ATP6V0E1: variants seen among roughly 807,000 people sequenced by gnomAD.
ATP6V0E1 encodes the protein V-type proton ATPase subunit e 1.
A neutral mutation model predicts 11.6 loss-of-function variants in ATP6V0E1; 4 were observed. The observed-to-expected ratio is 0.35, with a 90% confidence interval of 0.17 to 0.79. The LOEUF is 0.79. Among genes scored for constraint, ATP6V0E1 ranks in the 30% least tolerant of loss-of-function variants. The pLI is 0.54. For missense variants in ATP6V0E1, 105 were observed against 100.0 expected (o/e 1.05, Z -0.21); for synonymous variants, 36 against 34.8 (o/e 1.04, Z -0.13).
intron 3 of ATP6V0E1, among the ~76,000 whole-genome samples, chr5:173,031,407 A>T (rs1756649894): frequency 6.8e-6 from 1 of 147,800 alleles, no homozygotes; most frequent in Admixed American, 6.7e-5. Context: ...ATCTGATGGT[A>T]ACCTTATGAC....
intron 3 of ATP6V0E1, among the ~76,000 whole-genome samples, chr5:173,024,547 T>G (rs901933119): frequency 7.2e-5 from 11 of 152,106 alleles, no homozygotes. Flanking sequence ...ATTTAGCTGT[T>G]CTTTGAATTG....
chr5:173,004,414 A>G (rs1231288996), intron 2 of ATP6V0E1, among the ~76,000 whole-genome samples: 2 of 152,074 alleles, frequency 1.3e-5, no homozygotes, highest in African/African-American at 4.8e-5. Context: ...GCCTGGTGAG[A>G]AGGGATGGGA....
intron 3 of ATP6V0E1, among the ~76,000 whole-genome samples, chr5:173,031,071 A>T (rs1028360183): frequency 5.3e-5 from 8 of 151,804 alleles, no homozygotes; most frequent in Non-Finnish European, 1.0e-4. Flanking sequence ...CAGGCTCCCA[A>T]GTAGCTGGGA....
At chr5:173,014,903 A>G (rs1419054826) in intron 2 of ATP6V0E1, among the ~76,000 whole-genome samples, 1 of 152,214 alleles carries the variant, frequency 6.6e-6, no homozygotes, top group Non-Finnish European at 1.5e-5. Flanking sequence ...AGGACTTGAA[A>G]TGATACCAAC....
chr5:173,027,445 T>C lies in ATP6V0E1; in HGVS notation c.*37-6954T>C, dbSNP rs1195813630. Among the ~76,000 whole-genome samples, 4 of 150,632 alleles carry C rather than the reference T, an allele frequency of 2.7e-5. No individual in the cohort carries two copies. The East Asian group carries it at 7.8e-4, about 29-fold the overall frequency. ...TGAACCCAGGAGGCAGAGCTTGCAG[T>C]GAGCCGAGATCGTGCCACTGCACTC... On this transcript the variant is annotated intron_variant, in intron 3 of 3. Transcript: ENST00000519374.
At chr5:173,019,210 A>C (rs1169117019) in intron 2 of ATP6V0E1, among the ~76,000 whole-genome samples, 1 of 152,068 alleles carries the variant, frequency 6.6e-6, no homozygotes, top group Non-Finnish European at 1.5e-5. Flanking sequence ...TATCCTCCCA[A>C]AGTGCGGGAT....
chr5:173,031,561 G>A (rs1756654618), intron 3 of ATP6V0E1, among the ~76,000 whole-genome samples: 1 of 150,920 alleles, frequency 6.6e-6, no homozygotes, highest in Middle Eastern at 3.2e-3. Flanking sequence ...GCTCACGCCT[G>A]TAATCCCAGC....
rs895465039 is a variant in ATP6V0E1, at chr5:173,020,349, A to G, written c.*18A>G. 6.3e-7 allele frequency: 1 copy of G among 1,575,394 alleles called. No individual in the cohort carries two copies. Among genetic ancestry groups the G allele is most frequent in the Non-Finnish European group, 8.7e-7 (1 of 1,144,846 alleles). Reference sequence around the variant, plus strand: ...GGCCTTGAGGAAGAAGACATGCTCTACAGTGCTCAGTCTTTGAGGTGACTA... The same window carrying G: ...GGCCTTGAGGAAGAAGACATGCTCTGCAGTGCTCAGTCTTTGAGGTGACTA... On this transcript the variant is annotated 3_prime_UTR_variant, in exon 3 of 4. Transcript: ENST00000519374.
chr5:173,025,031 C>T lies in ATP6V0E1; in HGVS notation c.*36+4664C>T, dbSNP rs575481957. Among the ~76,000 whole-genome samples the T allele has an allele frequency of 7.5e-3, 1,124 of 150,682 alleles. 11 individuals carry two copies. The highest frequency in any genetic ancestry group is 0.012 in the Non-Finnish European group (804 of 67,712). On this transcript the variant is annotated intron_variant, in intron 3 of 3. Transcript: ENST00000519374. ...CTAATTTTTGTGTTTTTAGTAGAGA[C>T]GGGGTTTCACCATGTTGGTCAGGCT...
chr5:173,022,002 T>C (rs1452690349), intron 3 of ATP6V0E1, among the ~76,000 whole-genome samples: 1 of 152,184 alleles, frequency 6.6e-6, no homozygotes, highest in African/African-American at 2.4e-5. Context: ...GCCACTGCAC[T>C]CCAGCCTGGG....
At chr5:173,021,237 C>T (rs1029460046) in intron 3 of ATP6V0E1, among the ~76,000 whole-genome samples, 4 of 151,256 alleles carry the variant, frequency 2.6e-5, no homozygotes, top group South Asian at 4.2e-4. Context: ...CTACTTCACT[C>T]GTTACTATGG....
At chr5:173,011,524 T>C (rs981882649) in intron 2 of ATP6V0E1, among the ~76,000 whole-genome samples, 37 of 152,100 alleles carry the variant, frequency 2.4e-4, no homozygotes, top group African/African-American at 8.4e-4. Context: ...CCTAGTATAA[T>C]GGGACTCAGG....
In ATP6V0E1 at chr5:173,029,298, G is replaced by A. The variant is rs141362622; in HGVS notation, c.*37-5101G>A. 9.5e-3 allele frequency among the ~76,000 whole-genome samples: 1,451 copies of A among 152,264 alleles called. 14 individuals are homozygous for A. Among genetic ancestry groups the A allele is most frequent in the Middle Eastern group, 0.034 (10 of 294 alleles). On this transcript the variant is annotated intron_variant, in intron 3 of 3. Coordinates refer to ENST00000519374, the MANE Select transcript of ATP6V0E1 (RefSeq NM_003945.4). ...CTTTTACTCCGAGTACTCTGGCTGG[G>A]TATTCTGCTGCCATTTCAGGTTCAG...
At chr5:172,998,190 CTTTTTT>C (rs999790390) in intron 2 of ATP6V0E1, among the ~76,000 whole-genome samples, 1 of 104,890 alleles carries the variant, frequency 9.5e-6, no homozygotes, top group Non-Finnish European at 1.9e-5. Context: ...AAAATTTAGT[CTTTTTT>C]TTTTTTTTTT....
At chr5:173,011,572 A>G (rs1354992510) in intron 2 of ATP6V0E1, among the ~76,000 whole-genome samples, 1 of 151,934 alleles carries the variant, frequency 6.6e-6, no homozygotes, top group Non-Finnish European at 1.5e-5. Flanking sequence ...CCCCTTCACT[A>G]ATTTGCTGTG....
At chr5:173,021,690 G>A (rs973739899) in intron 3 of ATP6V0E1, among the ~76,000 whole-genome samples, 35 of 152,112 alleles carry the variant, frequency 2.3e-4, no homozygotes, top group African/African-American at 8.2e-4. Context: ...TCCATCATTG[G>A]GGATCACATT....
intron 1 of ATP6V0E1, among the ~76,000 whole-genome samples, chr5:172,990,579 G>A (rs1022945523): frequency 1.3e-5 from 2 of 151,378 alleles, no homozygotes; most frequent in Non-Finnish European, 2.9e-5. Flanking sequence ...CTGTAATCCC[G>A]GCACTTTGGA....
chr5:173,032,542 C>T (rs535624358), intron 3 of ATP6V0E1, among the ~76,000 whole-genome samples: 6 of 152,128 alleles, frequency 3.9e-5, no homozygotes, highest in South Asian at 4.1e-4. Flanking sequence ...CCACCTGCCT[C>T]GGCCTCCCAA....
At chr5:173,006,427 G>A (rs1018352650) in intron 2 of ATP6V0E1, among the ~76,000 whole-genome samples, 5 of 152,040 alleles carry the variant, frequency 3.3e-5, no homozygotes, top group African/African-American at 9.7e-5. Context: ...TGGCTAACAC[G>A]GTGAAACTCC....
Sources: gnomAD v4.1 joint callset for allele counts (sites outside exome capture counted in the v4.1 genomes callset) on GRCh38, gnomAD v4.1.1 for gene constraint, MANE v1.5 for transcripts, NCBI Gene and HGNC (gene_info 2026-07-23, HGNC 2026-07-21) for gene names.